Variants in TYW1B observed in about 807,000 individuals in gnomAD.
TYW1B encodes the protein tRNA-yW synthesizing protein 1 homolog B.
A neutral mutation model predicts 86.9 loss-of-function variants in TYW1B; 73 were observed. The observed-to-expected ratio is 0.84, with a 90% CI of 0.70 to 1.02. The LOEUF is 1.02. TYW1B is among the 50% of genes least tolerant of loss of function. The probability of loss-of-function intolerance (pLI) is 0.00; values close to 1 mark genes in which losing one functional copy is unlikely to be tolerated. For synonymous variants in TYW1B, 248 were observed against 292.8 expected (o/e 0.85, Z 1.56); for missense variants, 637 against 827.4 (o/e 0.77, Z 2.82).
chr7:72,690,672 T>C (rs1554450175), intron 11 of TYW1B, among the ~76,000 whole-genome samples: 1 of 152,270 alleles, frequency 6.6e-6, no homozygotes, highest in East Asian at 1.9e-4. Context: ...GATAACAGTA[T>C]GGATGTTCTA....
At chr7:72,676,253 T>C (rs1813732682) in intron 11 of TYW1B, among the ~76,000 whole-genome samples, 1 of 152,106 alleles carries the variant, frequency 6.6e-6, no homozygotes. Flanking sequence ...TAAAACAAGG[T>C]GAACAATATC....
intron 13 of TYW1B, among the ~76,000 whole-genome samples, chr7:72,609,026 T>C (rs782730864): frequency 6.6e-6 from 1 of 152,224 alleles, no homozygotes; most frequent in East Asian, 1.9e-4. Flanking sequence ...GTCTATTTCC[T>C]GATTTTGATA....
chr7:72,690,217 G>A (rs186440418), intron 11 of TYW1B, among the ~76,000 whole-genome samples: 127 of 152,292 alleles, frequency 8.3e-4, no homozygotes, highest in Non-Finnish European at 1.3e-3. Flanking sequence ...TCATAGTTCA[G>A]CAGAAACACA....
At chr7:72,668,201 TTG>T (rs1183272865) in intron 11 of TYW1B, among the ~76,000 whole-genome samples, 1 of 152,252 alleles carries the variant, frequency 6.6e-6, no homozygotes, top group East Asian at 1.9e-4. Context: ...TAGATTTTGT[TTG>T]TTTTCAGTGG....
At chr7:72,612,127 T>G (rs1202633919) in intron 13 of TYW1B, among the ~76,000 whole-genome samples, 1 of 152,154 alleles carries the variant, frequency 6.6e-6, no homozygotes, top group Non-Finnish European at 1.5e-5. Context: ...TATGTTACTT[T>G]TAATCTTGAT....
At chr7:72,753,616 G>A (rs1787538195) in intron 7 of TYW1B, among the ~76,000 whole-genome samples, 1 of 151,892 alleles carries the variant, frequency 6.6e-6, no homozygotes, top group Admixed American at 6.6e-5. Context: ...GAGTAGCTGG[G>A]ATTACAGGTG....
At chr7:72,682,078 G>C (rs1266065861) in intron 11 of TYW1B, among the ~76,000 whole-genome samples, 2 of 151,116 alleles carry the variant, frequency 1.3e-5, no homozygotes. Flanking sequence ...GGGTTTCACT[G>C]TGTTGGCCAG....
chr7:72,780,093 T>G (rs1554471379), intron 6 of TYW1B, among the ~76,000 whole-genome samples: 1 of 152,132 alleles, frequency 6.6e-6, no homozygotes, highest in African/African-American at 2.4e-5. Context: ...ATAAAAAGGC[T>G]CCAGTTATTA....
At chr7:72,808,140 A>G (rs1412741052) in intron 4 of TYW1B, among the ~76,000 whole-genome samples, 5 of 152,046 alleles carry the variant, frequency 3.3e-5, no homozygotes, top group African/African-American at 1.2e-4. Flanking sequence ...TTTCCCATTC[A>G]TAGTCTAATT....
intron 13 of TYW1B, 103 bp downstream of exon 13, chr7:72,616,569 G>C: frequency 6.4e-7 from 1 of 1,556,250 alleles, no homozygotes; most frequent in Non-Finnish European, 8.8e-7. Flanking sequence ...TAGCAAGCAC[G>C]CAGATCATCC....
chr7:72,813,364 C>T (rs1335221491), intron 3 of TYW1B, among the ~76,000 whole-genome samples: 2 of 152,134 alleles, frequency 1.3e-5, no homozygotes, highest in African/African-American at 2.4e-5. Flanking sequence ...TTAGTAAAGA[C>T]GTGGTTTCAC....
At chr7:72,688,708 T>C (rs879986571) in intron 11 of TYW1B, among the ~76,000 whole-genome samples, 3 of 152,198 alleles carry the variant, frequency 2.0e-5, no homozygotes, top group Admixed American at 6.5e-5. Flanking sequence ...GACTTTCCGA[T>C]CTACCCCGGT....
intron 8 of TYW1B, 87 bp downstream of exon 8, chr7:72,744,397 C>G: frequency 7.4e-7 from 1 of 1,351,282 alleles, no homozygotes; most frequent in Admixed American, 1.8e-5. Flanking sequence ...CAGCAGAGCT[C>G]TTGGGTAAGT....
At chr7:72,788,471 G>A (rs2129572238) in intron 6 of TYW1B, among the ~76,000 whole-genome samples, 1 of 152,294 alleles carries the variant, frequency 6.6e-6, no homozygotes, top group African/African-American at 2.4e-5. Context: ...TACCAGTTGA[G>A]CATCCCAAAT....
chr7:72,807,039 CAA>C, intron 5 of TYW1B, 25 bp downstream of exon 5: 1 of 1,602,766 alleles, frequency 6.2e-7, no homozygotes. Context: ...GGGAAAGCAT[CAA>C]GAGATGAACA....
At chr7:72,800,961 C>T (rs1171675666) in intron 6 of TYW1B, among the ~76,000 whole-genome samples, 4 of 152,086 alleles carry the variant, frequency 2.6e-5, no homozygotes, top group Non-Finnish European at 5.9e-5. Context: ...TCCATTTGTT[C>T]GAGTCCACTT....
chr7:72,639,378 G>A (rs1812749162), intron 11 of TYW1B, among the ~76,000 whole-genome samples: 1 of 151,940 alleles, frequency 6.6e-6, no homozygotes, highest in Admixed American at 6.6e-5. Context: ...TGTTGCCCAG[G>A]CTGGTCTTGA....
chr7:72,615,109 G>A (rs781789771), intron 13 of TYW1B, among the ~76,000 whole-genome samples: 19 of 152,206 alleles, frequency 1.2e-4, no homozygotes, highest in Non-Finnish European at 2.4e-4. Flanking sequence ...GTCCCTTGCT[G>A]CACAGCCTGG....
intron 8 of TYW1B, among the ~76,000 whole-genome samples, chr7:72,735,569 T>A (rs1350135694): frequency 4.2e-5 from 5 of 118,688 alleles, no homozygotes; most frequent in African/African-American, 9.8e-5. Context: ...GACTCTGCCT[T>A]AAAAAAAAAA....
Sources: allele counts gnomAD v4.1 joint callset (sites outside exome capture counted in the v4.1 genomes callset), GRCh38; gene constraint gnomAD v4.1.1; transcripts MANE v1.5; gene names NCBI Gene and HGNC (gene_info 2026-07-23, HGNC 2026-07-21).